TPTE: variants seen among roughly 807,000 people sequenced by gnomAD.
The protein encoded by TPTE is transmembrane phosphatase with tensin homology.
A neutral mutation model predicts 84.1 loss-of-function variants in TPTE; 59 were observed. The ratio of observed to expected loss-of-function variants is 0.70; its 90% CI spans 0.57 to 0.87. The LOEUF (loss-of-function observed/expected upper bound fraction) is 0.87. Among genes scored for constraint, TPTE ranks in the 40% least tolerant of loss-of-function variants. TPTE has a pLI of 0.00. For synonymous variants in TPTE, 130 were observed against 223.5 expected (o/e 0.58, Z 3.73); for missense variants, 382 against 659.6 (o/e 0.58, Z 4.61).
chr21:10,553,416 T>G (rs1202178720), intron 8 of TPTE, among the ~76,000 whole-genome samples: 1 of 152,312 alleles, frequency 6.6e-6, no homozygotes, highest in African/African-American at 2.4e-5. Context: ...AAGCTGTTGG[T>G]GTCTAAACAA....
intron 3 of TPTE, among the ~76,000 whole-genome samples, chr21:10,534,675 T>C (rs11184141): frequency 0.014 from 2,135 of 151,396 alleles, no homozygotes; most frequent in Non-Finnish European, 0.02. Context: ...AAAGGTGTTA[T>C]GTGTGTGTAT....
intron 23 of TPTE, 147 bp downstream of exon 23, chr21:10,603,779 T>A: frequency 9.3e-7 from 1 of 1,077,646 alleles, no homozygotes; most frequent in Non-Finnish European, 1.4e-6. Context: ...TGCCTTACTC[T>A]TCTTACTTTG....
chr21:10,536,460 A>G (rs1030403604), intron 3 of TPTE, among the ~76,000 whole-genome samples: 1 of 152,312 alleles, frequency 6.6e-6, no homozygotes, highest in African/African-American at 2.4e-5. Flanking sequence ...TCAATGACCT[A>G]TGATAGAACC....
At chr21:10,575,466 G>A (rs370150434) in intron 14 of TPTE, among the ~76,000 whole-genome samples, 980 of 150,610 alleles carry the variant, frequency 6.5e-3, no homozygotes, top group African/African-American at 0.017. Flanking sequence ...GTGGTCTGGA[G>A]GAGGAAGGAT....
At chr21:10,554,924 C>G (rs2074651295) in intron 8 of TPTE, among the ~76,000 whole-genome samples, 1 of 152,308 alleles carries the variant, frequency 6.6e-6, no homozygotes, top group African/African-American at 2.4e-5. Flanking sequence ...CTAGAGTGAG[C>G]AGGAAGACCA....
chr21:10,585,497 A>C (rs1167938184), intron 17 of TPTE, among the ~76,000 whole-genome samples: 1 of 152,308 alleles, frequency 6.6e-6, no homozygotes, highest in Non-Finnish European at 1.5e-5. Context: ...TTTTATTATT[A>C]AATTGCCGGA....
At chr21:10,538,038 T>G (rs1314486593) in intron 3 of TPTE, among the ~76,000 whole-genome samples, 1 of 152,312 alleles carries the variant, frequency 6.6e-6, no homozygotes, top group African/African-American at 2.4e-5. Flanking sequence ...AAAACTAATT[T>G]TCAGACTGCC....
chr21:10,589,187 A>AT (rs2075418892), intron 17 of TPTE, among the ~76,000 whole-genome samples: 2 of 152,288 alleles, frequency 1.3e-5, no homozygotes, highest in African/African-American at 4.8e-5. Flanking sequence ...TATTATTGTT[A>AT]TTTTTTTCTT....
Position 10,525,644 on chromosome 21 carries a change from G to A in TPTE, c.-102+956G>A, listed in dbSNP as rs1167406656. ...CCTTCAGCTAACTCAAACTTCTGTGGTTGCTCCTATCTACCAAAAAGCATT... is the reference window on the plus strand; with the variant it reads ...CCTTCAGCTAACTCAAACTTCTGTGATTGCTCCTATCTACCAAAAAGCATT... On this transcript the variant is annotated intron_variant, in intron 2 of 23. Coordinates refer to ENST00000618007, the MANE Select transcript of TPTE (RefSeq NM_199261.4). Among the ~76,000 whole-genome samples, 14 of 152,412 alleles carry A rather than the reference G, an allele frequency of 9.2e-5. No homozygotes were observed. The South Asian group carries it at 1.0e-3, about 11-fold the overall frequency.
At chr21:10,524,890 A>C (rs1435668473) in intron 2 of TPTE, among the ~76,000 whole-genome samples, 1 of 152,310 alleles carries the variant, frequency 6.6e-6, no homozygotes, top group East Asian at 1.9e-4. Context: ...TCTGTGACCC[A>C]GCAAATAAAA....
chr21:10,605,487 T>A lies in TPTE; in HGVS notation c.1591T>A (p.Phe531Ile). ...QKARRIYPSD[F>I]AVEILFGEKM... ...AGCACGGAGAATTTATCCATCAGAT[T>A]TTGCCGTGGAGATACTTTTTGGCGA... The change falls in exon 24 of 24, where the codon TTT (phenylalanine) becomes ATT (isoleucine). Residue 531 changes from phenylalanine (F) to isoleucine (I), a missense_variant. Physicochemically the swap from Phe to Ile is conservative, Grantham distance 21. Around this residue, in one of 10 missense-constraint regions of TPTE, gnomAD observed 120 missense variants for 79.1 expected, o/e 1.52. Transcript: ENST00000618007. 1 of 1,614,254 alleles carries A rather than the reference T, an allele frequency of 6.2e-7. No homozygotes were observed. The highest frequency in any genetic ancestry group is 8.5e-7 in the Non-Finnish European group (1 of 1,180,034).
At chr21:10,586,052 T>C (rs2075358660) in intron 17 of TPTE, among the ~76,000 whole-genome samples, 1 of 152,306 alleles carries the variant, frequency 6.6e-6, no homozygotes, top group Non-Finnish European at 1.5e-5. Flanking sequence ...GTGGTCTCTA[T>C]TTTTTACTTA....
At position 10,578,342 on chromosome 21, in the gene TPTE, A is replaced by G. The variant is rs149333450; in HGVS notation, c.862A>G (p.Arg288Gly). 710 of 1,609,358 alleles carry G rather than the reference A, an allele frequency of 4.4e-4. No individual in the cohort carries two copies. The highest frequency in any genetic ancestry group is 7.8e-4 in the Admixed American group (47 of 59,874). ...ATACATATTATTTATTTTAGGTGAA[A>G]GAGCTTACGATCCTAAGCACTTCCA... ...HYRVYNLCSE[R>G]AYDPKHFHNR... The change falls in exon 16 of 24, where the codon AGA (arginine) becomes GGA (glycine). Residue 288 changes from arginine to glycine, a missense_variant. Arg to Gly is a moderately radical substitution (Grantham distance 125). Coordinates refer to ENST00000618007, the MANE Select transcript of TPTE (RefSeq NM_199261.4).
chr21:10,540,625 T>C (rs1221252978), intron 4 of TPTE: 1 of 518,722 alleles, frequency 1.9e-6, no homozygotes, highest in Non-Finnish European at 3.9e-6. Flanking sequence ...AGCTCTACCG[T>C]TATGTGAGGC....
chr21:10,541,617 A>G (rs1181848174), intron 5 of TPTE, among the ~76,000 whole-genome samples: 10 of 152,306 alleles, frequency 6.6e-5, no homozygotes, highest in Non-Finnish European at 5.9e-5. Context: ...TCCCTGTATC[A>G]TGTATAGATA....
intron 10 of TPTE, among the ~76,000 whole-genome samples, chr21:10,561,727 C>T (rs2074809347): frequency 1.3e-5 from 2 of 152,304 alleles, no homozygotes; most frequent in Admixed American, 1.3e-4. Context: ...CACAATAAAA[C>T]ACTAGGTAGA....
chr21:10,554,311 C>T (rs1411389603), intron 8 of TPTE, among the ~76,000 whole-genome samples: 1 of 152,298 alleles, frequency 6.6e-6, no homozygotes, highest in Non-Finnish European at 1.5e-5. Context: ...GGCTAAATCT[C>T]TGTATATTGT....
At chr21:10,565,933 A>G (rs2145690527) in intron 10 of TPTE, among the ~76,000 whole-genome samples, 1 of 152,424 alleles carries the variant, frequency 6.6e-6, no homozygotes, top group East Asian at 1.9e-4. Context: ...AAGAATCTCC[A>G]GGACATTGGT....
At chr21:10,540,964 A>G (rs1172237470) in intron 4 of TPTE, 148 bp from the exon 5 acceptor site, 1 of 1,269,312 alleles carries the variant, frequency 7.9e-7, no homozygotes, top group Non-Finnish European at 1.1e-6. Context: ...TAAAAAGACA[A>G]ATGCCATCCC....
Sources: gnomAD v4.1 joint callset for allele counts (sites outside exome capture counted in the v4.1 genomes callset) on GRCh38, gnomAD v4.1.1 for gene constraint, gnomAD v4.1.1 regional missense constraint, MANE v1.5 for transcripts, NCBI Gene and HGNC (gene_info 2026-07-23, HGNC 2026-07-21) for gene names.